Variants in GDA observed in about 807,000 individuals in gnomAD.
GDA encodes the protein guanine deaminase, also known as cytoplasmic PSD-95 interactor.
GDA carries 18 observed loss-of-function variants against 59.6 expected under a neutral mutation model. The ratio of observed to expected loss-of-function variants is 0.30; its 90% CI spans 0.21 to 0.45. The LOEUF is 0.45. GDA is among the 20% of genes least tolerant of loss of function. GDA has a pLI of 1.00. For missense variants in GDA, 427 were observed against 552.3 expected, an observed-to-expected ratio of 0.77 and a Z score of 2.27; for synonymous variants, 201 against 201.1, an observed-to-expected ratio of 1.00 and a Z score of 0.00.
intron 1 of GDA, among the ~76,000 whole-genome samples, chr9:72,174,517 C>G (rs1185289908): frequency 6.6e-6 from 1 of 152,066 alleles, no homozygotes; most frequent in Non-Finnish European, 1.5e-5. Flanking sequence ...AGGATTTAAG[C>G]CAGGTAGCTT....
downstream of GDA, chr9:72,253,108 A>G (rs1840797207): frequency 1.3e-5 from 2 of 152,114 alleles, no homozygotes. Flanking sequence ...TTCTTTTTTT[A>G]TTTGTAATAT....
intron 1 of GDA, among the ~76,000 whole-genome samples, chr9:72,144,049 C>A (rs1241935149): frequency 6.6e-6 from 1 of 151,998 alleles, no homozygotes; most frequent in African/African-American, 2.4e-5. Flanking sequence ...TGGTGAAACC[C>A]CATCTCTACT....
At chr9:72,223,727 A>C (rs1235595472) in intron 7 of GDA, among the ~76,000 whole-genome samples, 1 of 152,226 alleles carries the variant, frequency 6.6e-6, no homozygotes, top group Non-Finnish European at 1.5e-5. Context: ...AGAACAAAAA[A>C]GTATACCTTG....
intron 1 of GDA, among the ~76,000 whole-genome samples, chr9:72,139,303 T>C (rs1043298389): frequency 8.0e-6 from 1 of 125,180 alleles, no homozygotes; most frequent in Admixed American, 7.5e-5. Context: ...CATTGTTATA[T>C]TATATGTTCT....
At chr9:72,214,017 G>T in intron 5 of GDA, 26 bp downstream of exon 5, 2 of 1,241,740 alleles carry the variant, frequency 1.6e-6, no homozygotes, top group Admixed American at 1.7e-5. Context: ...GTCTTGATTT[G>T]TCTTACAGGT....
chr9:72,188,783 C>T (rs544034829), intron 1 of GDA, among the ~76,000 whole-genome samples: 1 of 152,144 alleles, frequency 6.6e-6, no homozygotes, highest in South Asian at 2.1e-4. Context: ...GAGCTACTAG[C>T]ATGCAACCTC....
chr9:72,254,162 G>A (rs1325951025), downstream of GDA, among the ~76,000 whole-genome samples: 2 of 151,454 alleles, frequency 1.3e-5, no homozygotes, highest in Non-Finnish European at 2.9e-5. Flanking sequence ...TCTTTGATAT[G>A]ACAGTATTTT....
At chr9:72,211,026 A>G (rs1348637906) in intron 4 of GDA, among the ~76,000 whole-genome samples, 1 of 152,112 alleles carries the variant, frequency 6.6e-6, no homozygotes, top group African/African-American at 2.4e-5. Context: ...TTTACTTACA[A>G]TTTTTGGTTA....
chr9:72,145,007 T>C (rs2130664766), upstream of GDA, among the ~76,000 whole-genome samples: 1 of 152,178 alleles, frequency 6.6e-6, no homozygotes, highest in African/African-American at 2.4e-5. Flanking sequence ...TAGGCAGGCA[T>C]TTATTTCACT....
Position 72,249,757 on chromosome 9 carries a change from C to CTAG in GDA, c.*1416_*1418dup, listed in dbSNP as rs1840506510. On this transcript the variant is annotated 3_prime_UTR_variant, in exon 14 of 14. Transcript: ENST00000358399. ...TCTTAATATATTATAACACTCATTCCTAGAGCTTAGGGGTGACTCTTTAAT... is the reference window on the plus strand; with the variant it reads ...TCTTAATATATTATAACACTCATTCCTAGTAGAGCTTAGGGGTGACTCTTTAAT... The CTAG allele has an allele frequency of 1.2e-6, 1 of 846,626 alleles. No individual in the cohort carries two copies. The highest frequency in any genetic ancestry group is 5.4e-5 in the South Asian group (1 of 18,356). 52.4% of individuals were successfully genotyped at this position (846,626 alleles called of 1,614,324 possible).
At chr9:72,180,820 A>G (rs1831107296) in intron 1 of GDA, among the ~76,000 whole-genome samples, 1 of 152,236 alleles carries the variant, frequency 6.6e-6, no homozygotes, top group African/African-American at 2.4e-5. Flanking sequence ...GTGATTCACA[A>G]GTTTTCAAGT....
intron 1 of GDA, among the ~76,000 whole-genome samples, chr9:72,133,849 C>T (rs547974355): frequency 6.6e-6 from 1 of 152,204 alleles, no homozygotes; most frequent in Admixed American, 6.5e-5. Flanking sequence ...CTGGGAGAAC[C>T]CACTGTGCGG....
At chr9:72,256,620 C>G (rs1222719258), downstream of GDA, among the ~76,000 whole-genome samples, 2 of 152,130 alleles carry the variant, frequency 1.3e-5, no homozygotes, top group Non-Finnish European at 2.9e-5. Context: ...TCAGCATGAG[C>G]AATAGCAGCT....
chr9:72,246,430 G>A (rs1375919770), intron 12 of GDA, among the ~76,000 whole-genome samples: 1 of 152,224 alleles, frequency 6.6e-6, no homozygotes, highest in African/African-American at 2.4e-5. Flanking sequence ...TTATAGGCGT[G>A]AGCCACTGTA....
chr9:72,224,426 C>A (rs2131591648), intron 7 of GDA, among the ~76,000 whole-genome samples: 1 of 152,234 alleles, frequency 6.6e-6, no homozygotes, highest in East Asian at 1.9e-4. Context: ...TTTAGCTACG[C>A]ATATTCTAAA....
chr9:72,253,683 A>G (rs1840818279), downstream of GDA: 1 of 152,160 alleles, frequency 6.6e-6, no homozygotes, highest in Non-Finnish European at 1.5e-5. Context: ...TTTTCTCCTA[A>G]AGATCAATTT....
intron 1 of GDA, among the ~76,000 whole-genome samples, chr9:72,117,313 TTTAA>T (rs776010984): frequency 5.3e-5 from 8 of 151,978 alleles, no homozygotes; most frequent in Non-Finnish European, 1.2e-4. Flanking sequence ...TTAAAAAAGG[TTTAA>T]TTAATTCAAC....
At chr9:72,189,702 G>A (rs1387122127) in intron 1 of GDA, among the ~76,000 whole-genome samples, 2 of 152,236 alleles carry the variant, frequency 1.3e-5, no homozygotes, top group East Asian at 1.9e-4. Context: ...TTAGCCAGGC[G>A]TGGTGGCACA....
At chr9:72,241,818 G>A (rs1186246325) in intron 11 of GDA, among the ~76,000 whole-genome samples, 1 of 152,080 alleles carries the variant, frequency 6.6e-6, no homozygotes, top group African/African-American at 2.4e-5. Flanking sequence ...ATCTGAACCC[G>A]GGGAGGTAGA....
Sources: allele counts gnomAD v4.1 joint callset (sites outside exome capture counted in the v4.1 genomes callset), GRCh38; gene constraint gnomAD v4.1.1; transcripts MANE v1.5; gene names NCBI Gene and HGNC (gene_info 2026-07-23, HGNC 2026-07-21).